Variants in FIP1L1 observed in about 807,000 individuals in gnomAD.
The protein encoded by FIP1L1 is pre-mRNA 3'-end-processing factor FIP1.
In FIP1L1, 21 loss-of-function variants were observed where a neutral mutation model predicts 84.6. The observed-to-expected ratio is 0.25, with a 90% confidence interval of 0.18 to 0.36. The LOEUF (loss-of-function observed/expected upper bound fraction) is 0.36, where lower values mean the gene tolerates loss of function less well. Ranked by LOEUF, FIP1L1 falls within the 10% of genes least tolerant of loss-of-function variation. The pLI, the probability that FIP1L1 is intolerant of heterozygous loss-of-function variation, is 1.00. For missense variants in FIP1L1, 526 were observed against 751.1 expected (o/e 0.70, Z 3.50); for synonymous variants, 263 against 242.3 (o/e 1.09, Z -0.80).
chr4:53,392,103 C>G (rs1171918179), intron 9 of FIP1L1, among the ~76,000 whole-genome samples: 1 of 152,242 alleles, frequency 6.6e-6, no homozygotes, highest in Non-Finnish European at 1.5e-5. Flanking sequence ...AGTCTGATTT[C>G]TGGCTTCTCC....
intron 13 of FIP1L1, chr4:53,440,677 A>C: frequency 9.1e-7 from 1 of 1,101,866 alleles, no homozygotes; most frequent in Non-Finnish European, 1.4e-6. Context: ...TAGTTACAGG[A>C]GAGACGGTGT....
intron 15 of FIP1L1, among the ~76,000 whole-genome samples, chr4:53,445,434 A>T (rs1370379498): frequency 6.6e-6 from 1 of 152,172 alleles, no homozygotes; most frequent in East Asian, 1.9e-4. Flanking sequence ...ACAAGAGAGA[A>T]AAGAACAAGT....
chr4:53,377,837 C>T lies in FIP1L1; in HGVS notation c.-2C>T, dbSNP rs770218532. The T allele has an allele frequency of 1.3e-6, 2 of 1,574,766 alleles. No individual in the cohort carries two copies. The highest frequency in any genetic ancestry group is 1.4e-5 in the African/African-American group (1 of 74,000). On this transcript the variant is annotated 5_prime_UTR_variant, in exon 1 of 18. Coordinates refer to ENST00000337488, the MANE Select transcript of FIP1L1 (RefSeq NM_030917.4). ...CGCGTTTAAGTTGCGCTCGGGGCGG[C>T]CATGTCGGCCGGCGAGGTCGAGCGC...
At chr4:53,445,351 G>A (rs544465105) in intron 15 of FIP1L1, among the ~76,000 whole-genome samples, 12 of 152,228 alleles carry the variant, frequency 7.9e-5, no homozygotes, top group African/African-American at 2.9e-4. Context: ...TGGAACATGT[G>A]GGGGAGTAAA....
rs1721354632 is a variant in FIP1L1, at chr4:53,459,508, A to AT, written c.*64dup. On this transcript the variant is annotated 3_prime_UTR_variant, in exon 18 of 18. Transcript: ENST00000337488. Reference sequence around the variant, plus strand: ...AGAAGTAGATACTATAAATCTTGTTATTTTTCTGGATAATGTTTAAGAAAT... The same window carrying AT: ...AGAAGTAGATACTATAAATCTTGTTATTTTTTCTGGATAATGTTTAAGAAAT... 3 of 1,603,998 alleles carry AT rather than the reference A, an allele frequency of 1.9e-6. No homozygotes were observed. Among genetic ancestry groups the AT allele is most frequent in the African/African-American group, 1.3e-5 (1 of 74,602 alleles).
chr4:53,456,814 T>C (rs1053096323), intron 16 of FIP1L1, among the ~76,000 whole-genome samples: 7 of 152,094 alleles, frequency 4.6e-5, no homozygotes, highest in South Asian at 4.1e-4. Context: ...CCATCTGTTA[T>C]AAGGTTCCCA....
chr4:53,425,613 G>T (rs1764016686), intron 11 of FIP1L1, among the ~76,000 whole-genome samples: 1 of 152,088 alleles, frequency 6.6e-6, no homozygotes, highest in Non-Finnish European at 1.5e-5. Context: ...AGTAAGTGTA[G>T]AAGAGCTCTA....
chr4:53,435,560 G>T (rs935307398), intron 13 of FIP1L1, among the ~76,000 whole-genome samples: 4 of 152,136 alleles, frequency 2.6e-5, no homozygotes, highest in African/African-American at 9.7e-5. Flanking sequence ...AAGAGTAACA[G>T]ATCCTAATAA....
chr4:53,408,728 A>G (rs1404198622), intron 10 of FIP1L1, among the ~76,000 whole-genome samples: 2 of 151,836 alleles, frequency 1.3e-5, no homozygotes, highest in East Asian at 1.9e-4. Context: ...TTCCCTTCTC[A>G]CTTCATTTCA....
rs1553927580 is a variant in FIP1L1, at chr4:53,460,246, G to GAA, written c.*803_*804dup. On this transcript the variant is annotated 3_prime_UTR_variant, in exon 18 of 18. Transcript: ENST00000337488. ...TTTTATACAGTTACTAACGATTGTGGAAAAAAAGAGCTTTAGCCATTTCTT... is the reference window on the plus strand; with the variant it reads ...TTTTATACAGTTACTAACGATTGTGGAAAAAAAAAGAGCTTTAGCCATTTCTT... 1.0e-5 allele frequency: 2 copies of GAA among 192,780 alleles called. No homozygotes were observed. Among genetic ancestry groups the GAA allele is most frequent in the Non-Finnish European group, 2.2e-5 (2 of 92,454 alleles). 11.9% of individuals were successfully genotyped at this position (192,780 alleles called of 1,614,324 possible).
intron 13 of FIP1L1, among the ~76,000 whole-genome samples, chr4:53,438,229 T>G (rs1770350590): frequency 6.6e-6 from 1 of 152,158 alleles, no homozygotes; most frequent in Non-Finnish European, 1.5e-5. Context: ...AAGTCTGTTG[T>G]CTAGGTTAGG....
At chr4:53,454,425 C>T (rs987395562) in intron 16 of FIP1L1, among the ~76,000 whole-genome samples, 1 of 152,164 alleles carries the variant, frequency 6.6e-6, no homozygotes, top group Non-Finnish European at 1.5e-5. Context: ...CTGTCATTAA[C>T]TGACACTTGA....
intron 11 of FIP1L1, among the ~76,000 whole-genome samples, chr4:53,420,197 CAAAAAAA>C (rs1166566869): frequency 1.1e-4 from 2 of 17,552 alleles, no homozygotes; most frequent in African/African-American, 3.3e-4. Context: ...GACTCCGTCT[CAAAAAAA>C]AAAAAAAAAA....
At position 53,377,661 on chromosome 4, in the gene FIP1L1, G is replaced by C; in HGVS notation, c.-178G>C. ...CTCCTGCGCATGCGCAGACGGACCT[G>C]CGCTGGAGGCTTCATCTTTGCCGCC... On this transcript the variant is annotated 5_prime_UTR_variant, in exon 1 of 18. Coordinates refer to ENST00000337488, the MANE Select transcript of FIP1L1 (RefSeq NM_030917.4). 1.7e-6 allele frequency: 1 copy of C among 580,430 alleles called. No homozygotes were observed. The allele number at this position is 580,430 out of a possible 1,614,324, so 36.0% of individuals were successfully genotyped here.
intron 5 of FIP1L1, among the ~76,000 whole-genome samples, chr4:53,388,956 AT>A (rs34058952): frequency 2.0e-5 from 3 of 152,078 alleles, no homozygotes; most frequent in Non-Finnish European, 4.4e-5. Context: ...AACTTCAGAT[AT>A]TTTTTTCTTT....
chr4:53,394,820 A>G (rs1746372191), intron 9 of FIP1L1, among the ~76,000 whole-genome samples: 2 of 152,006 alleles, frequency 1.3e-5, no homozygotes, highest in Non-Finnish European at 2.9e-5. Context: ...ATAATTTAAA[A>G]TAGCTACATA....
intron 16 of FIP1L1, among the ~76,000 whole-genome samples, chr4:53,454,577 AG>A (rs1344093747): frequency 1.3e-5 from 2 of 152,216 alleles, no homozygotes; most frequent in Non-Finnish European, 2.9e-5. Context: ...TAAAATATTC[AG>A]TAAACCATCC....
At chr4:53,414,753 C>A in intron 11 of FIP1L1, 31 bp downstream of exon 11, 1 of 1,393,218 alleles carries the variant, frequency 7.2e-7, no homozygotes, top group Non-Finnish European at 1.0e-6. Context: ...TGGATACTCC[C>A]TGATGTTTAG....
At chr4:53,413,853 C>G (rs557521565) in intron 10 of FIP1L1, among the ~76,000 whole-genome samples, 3 of 151,816 alleles carry the variant, frequency 2.0e-5, no homozygotes, top group African/African-American at 7.3e-5. Context: ...CAAGAGTATC[C>G]AAAGGTATAT....
Sources: gnomAD v4.1 joint callset for allele counts (sites outside exome capture counted in the v4.1 genomes callset) on GRCh38, gnomAD v4.1.1 for gene constraint, MANE v1.5 for transcripts, NCBI Gene and HGNC (gene_info 2026-07-23, HGNC 2026-07-21) for gene names.